The following SLC35D4 variants were observed in gnomAD, a reference collection of about 807,000 sequenced individuals.
SLC35D4 encodes the protein UDP-N-acetylglucosamine transporter SLC35D4.
the SLC35D4 span, among the ~76,000 whole-genome samples, chr18:23,414,197 T>G: frequency 6.6e-6 from 1 of 150,866 alleles, no homozygotes; most frequent in Non-Finnish European, 1.5e-5. Context: ...GAGGTTGCAG[T>G]GAGCTGAGAT....
chr18:23,356,802 T>G, the SLC35D4 span: 1 of 655,220 alleles, frequency 1.5e-6, no homozygotes, highest in Non-Finnish European at 2.7e-6. The surrounding 1 kb of genome is among the most constrained non-coding windows in gnomAD (Gnocchi z 4.1). Context: ...CACTCCAGCA[T>G]TCCCAGGGAT....
chr18:23,244,783 G>A, the SLC35D4 span, among the ~76,000 whole-genome samples: 1 of 152,194 alleles, frequency 6.6e-6, no homozygotes, highest in African/African-American at 2.4e-5. Context: ...CTGCATACCT[G>A]CCCCAGGTCT....
chr18:23,300,493 A>G, the SLC35D4 span, among the ~76,000 whole-genome samples: 1 of 152,202 alleles, frequency 6.6e-6, no homozygotes, highest in African/African-American at 2.4e-5. Flanking sequence ...AACCTTAGAA[A>G]AATGCTGGAG....
chr18:23,333,319 CA>C, the SLC35D4 span, among the ~76,000 whole-genome samples: 1 of 152,108 alleles, frequency 6.6e-6, no homozygotes, highest in Admixed American at 6.5e-5. Flanking sequence ...CCTATGGGCT[CA>C]AAACTGGGCT....
the SLC35D4 span, among the ~76,000 whole-genome samples, chr18:23,264,598 T>A: frequency 6.6e-6 from 1 of 152,092 alleles, no homozygotes; most frequent in Non-Finnish European, 1.5e-5. Flanking sequence ...CTTGACCTCG[T>A]GATCCGTCTG....
the SLC35D4 span, among the ~76,000 whole-genome samples, chr18:23,329,318 G>A: frequency 6.4e-4 from 97 of 152,198 alleles, no homozygotes; most frequent in African/African-American, 2.3e-3. Flanking sequence ...CTGACAAAGG[G>A]CTAATATCCA....
chr18:23,423,429 G>GT, the SLC35D4 span, among the ~76,000 whole-genome samples: 1 of 152,222 alleles, frequency 6.6e-6, no homozygotes, highest in Admixed American at 6.5e-5. Context: ...ATGTTTGGTT[G>GT]TTACAACCGG....
chr18:23,383,896 G>A, the SLC35D4 span, among the ~76,000 whole-genome samples: 48 of 151,668 alleles, frequency 3.2e-4, 1 homozygote, highest in Admixed American at 5.3e-4. Context: ...CAGGATGATG[G>A]GGGGAGATCG....
At chr18:23,405,016 A>C in the SLC35D4 span, among the ~76,000 whole-genome samples, 369 of 150,332 alleles carry the variant, frequency 2.5e-3, 5 homozygotes, top group South Asian at 0.019. Context: ...AAAAAAAAAA[A>C]AAAAAAACAG....
chr18:23,420,495 T>C, the SLC35D4 span, among the ~76,000 whole-genome samples: 1 of 151,814 alleles, frequency 6.6e-6, no homozygotes, highest in African/African-American at 2.4e-5. Flanking sequence ...CACCTCAGTC[T>C]CCCAAGTAGC....
At chr18:23,339,735 G>A in the SLC35D4 span, among the ~76,000 whole-genome samples, 2 of 152,186 alleles carry the variant, frequency 1.3e-5, no homozygotes, top group Non-Finnish European at 2.9e-5. Flanking sequence ...TCCGTGTCTG[G>A]TGAAGGCTGC....
the SLC35D4 span, among the ~76,000 whole-genome samples, chr18:23,378,825 G>A: frequency 4.8e-5 from 7 of 146,060 alleles, no homozygotes; most frequent in Non-Finnish European, 9.3e-5. Flanking sequence ...TTGTTTAGAC[G>A]TGAAGCGCTG....
At chr18:23,338,515 G>A in the SLC35D4 span, among the ~76,000 whole-genome samples, 1 of 152,056 alleles carries the variant, frequency 6.6e-6, no homozygotes, top group African/African-American at 2.4e-5. Flanking sequence ...GTTTACAGAT[G>A]AGAAAAAATG....
At chr18:23,306,105 G>C in the SLC35D4 span, among the ~76,000 whole-genome samples, 1 of 152,020 alleles carries the variant, frequency 6.6e-6, no homozygotes. Context: ...AGGCCACCTG[G>C]GAGATGGGAG....
the SLC35D4 span, chr18:23,310,151 C>T: frequency 7.5e-6 from 7 of 933,664 alleles, no homozygotes; most frequent in East Asian, 1.2e-4. Context: ...AACCTGTTCT[C>T]GGATCCTCCA....
chr18:23,435,613 G>A, the SLC35D4 span, among the ~76,000 whole-genome samples: 2 of 152,240 alleles, frequency 1.3e-5, no homozygotes, highest in African/African-American at 4.8e-5. Context: ...ACAAAAGATT[G>A]TCCTTTTCTT....
chr18:23,298,193 C>A, the SLC35D4 span: 1 of 1,059,944 alleles, frequency 9.4e-7, no homozygotes, highest in Non-Finnish European at 1.4e-6. Flanking sequence ...CCAGCCCGAA[C>A]TGCCATGCTT....
chr18:23,382,154 C>T, the SLC35D4 span, among the ~76,000 whole-genome samples: 3 of 149,710 alleles, frequency 2.0e-5, no homozygotes, highest in East Asian at 2.0e-4. Context: ...GCAGGAGAAT[C>T]GCTTGAACCC....
the SLC35D4 span, among the ~76,000 whole-genome samples, chr18:23,323,398 A>G: frequency 6.6e-6 from 1 of 152,288 alleles, no homozygotes; most frequent in South Asian, 2.1e-4. Flanking sequence ...CCATTAGGTA[A>G]AACCCTGTTG....
Sources: allele counts gnomAD v4.1 joint callset (sites outside exome capture counted in the v4.1 genomes callset), GRCh38; gene constraint gnomAD v4.1.1; non-coding constraint Gnocchi (gnomAD v3.1); transcripts MANE v1.5; gene names NCBI Gene and HGNC (gene_info 2026-07-23, HGNC 2026-07-21).